NUP98: variants seen among roughly 807,000 people sequenced by gnomAD.
NUP98 encodes nucleoporin 98 and 96 precursor.
A neutral mutation model predicts 191.9 loss-of-function variants in NUP98; 26 were observed. The ratio of observed to expected loss-of-function variants is 0.14; its 90% CI spans 0.10 to 0.19. The LOEUF is 0.19. Ranked by LOEUF, NUP98 falls within the 10% of genes least tolerant of loss-of-function variation. The pLI, the probability that NUP98 is intolerant of heterozygous loss-of-function variation, is 1.00. For synonymous variants in NUP98, 808 were observed against 778.4 expected (o/e 1.04, Z -0.63); for missense variants, 1,941 against 2,178.8 (o/e 0.89, Z 2.17).
intron 1 of NUP98, among the ~76,000 whole-genome samples, chr11:3,790,203 T>C (rs758982062): frequency 1.3e-5 from 2 of 152,230 alleles, no homozygotes; most frequent in Non-Finnish European, 2.9e-5. Flanking sequence ...AACTGTTCCC[T>C]TCACGAACAG....
chr11:3,780,872 G>T (rs1428723369), intron 2 of NUP98, among the ~76,000 whole-genome samples: 1 of 151,982 alleles, frequency 6.6e-6, no homozygotes. Flanking sequence ...TTGAGGTCAG[G>T]AGTTTGAGAC....
rs2081945890 is a variant in NUP98 at position 3,780,897 on chromosome 11, T to A, written c.76+1145A>T. ...GAGTTTGAGACCACCCTGGCCAACA[T>A]GGTGAAACCCCATCCCTATTAAAAA... is the stretch of plus-strand genomic sequence containing the variant. On this transcript the variant is annotated intron_variant, in intron 2 of 32. Transcript: ENST00000324932. Among the ~76,000 whole-genome samples, 3 of 152,026 alleles carry A rather than the reference T, an allele frequency of 2.0e-5. No individual in the cohort carries two copies. The South Asian group carries it at 6.2e-4, about 32-fold the overall frequency.
In NUP98 at chr11:3,797,521, C is replaced by T. The variant is rs944990091; in HGVS notation, c.-150G>A. 1.2e-4 allele frequency: 55 copies of T among 443,610 alleles called. No individual in the cohort carries two copies. Among genetic ancestry groups the T allele is most frequent in the Non-Finnish European group, 2.0e-4 (50 of 252,564 alleles). 27.5% of individuals were successfully genotyped at this position (443,610 alleles called of 1,614,324 possible). A position where few individuals can be genotyped will look rare whatever the true frequency, so the allele number is the denominator to read the frequency against. On this transcript the variant is annotated 5_prime_UTR_variant, in exon 1 of 33. Transcript: ENST00000324932. ...CGCTACCACCCCTGCCACCGACCGCCGCTTCGGGCGCAGCGCGCAGAGGGC... is the reference window on the plus strand; with the variant it reads ...CGCTACCACCCCTGCCACCGACCGCTGCTTCGGGCGCAGCGCGCAGAGGGC...
In NUP98 at chr11:3,768,560, A is replaced by C. The variant is rs780624838; in HGVS notation, c.948+21T>G. The C allele has an allele frequency of 5.2e-6, 8 of 1,524,046 alleles. No individual in the cohort carries two copies. The East Asian group carries it at 1.8e-4, about 35-fold the overall frequency. The allele number at this position is 1,524,046 out of a possible 1,614,324, so 94.4% of individuals were successfully genotyped here. On this transcript the variant is annotated intron_variant, in intron 8 of 32. Transcript: ENST00000324932. ...ACTCTAAAAATAAGACATGGAGGTAAGTAAGGGTCTGTTTCCTTACCATGG... is the reference window on the plus strand; with the variant it reads ...ACTCTAAAAATAAGACATGGAGGTACGTAAGGGTCTGTTTCCTTACCATGG...
At chr11:3,757,626 C>G (rs1479291259) in intron 10 of NUP98, among the ~76,000 whole-genome samples, 1 of 151,704 alleles carries the variant, frequency 6.6e-6, no homozygotes, top group Non-Finnish European at 1.5e-5. Context: ...TGGTAAAACC[C>G]TGTTTCTACT....
rs66628165 is a variant in NUP98 at position 3,705,996 on chromosome 11, C to CAA, written c.2925+447_2925+448dup. On this transcript the variant is annotated intron_variant, in intron 21 of 32. Transcript: ENST00000324932. ...GAAACCCCTTTCTCTACTAAAAATA[C>CAA]AAAAAAAAAAAAAAAAAAAAGTAGC... is the stretch of plus-strand genomic sequence containing the variant. Among the ~76,000 whole-genome samples the CAA allele has an allele frequency of 2.4e-3, 237 of 99,438 alleles. 1 individual carries two copies. The highest frequency in any genetic ancestry group is 3.6e-3 in the Non-Finnish European group (176 of 48,428). The allele number at this position is 99,438 out of a possible 152,430, so 65.2% of individuals were successfully genotyped here.
intron 18 of NUP98, among the ~76,000 whole-genome samples, chr11:3,715,413 G>A (rs1314656930): frequency 2.6e-5 from 4 of 151,526 alleles, no homozygotes; most frequent in African/African-American, 4.9e-5. Context: ...GATTATAGGC[G>A]TGAGCCACCA....
chr11:3,686,724 C>T (rs1589956936), intron 28 of NUP98, among the ~76,000 whole-genome samples: 1 of 152,322 alleles, frequency 6.6e-6, no homozygotes, highest in Non-Finnish European at 1.5e-5. Flanking sequence ...TGGCTCACGC[C>T]TGTAATCCCA....
At chr11:3,700,059 A>G (rs1416446441) in intron 24 of NUP98, among the ~76,000 whole-genome samples, 2 of 152,202 alleles carry the variant, frequency 1.3e-5, no homozygotes, top group Admixed American at 1.3e-4. Context: ...GATAGGATTT[A>G]GAAAAGCAAG....
intron 26 of NUP98, among the ~76,000 whole-genome samples, chr11:3,694,537 G>A (rs11029089): frequency 0.01 from 1,537 of 151,320 alleles, 15 homozygotes; most frequent in Non-Finnish European, 0.015. Context: ...TCAGGAGACC[G>A]AGACCATCCT....
At position 3,747,315 on chromosome 11, in the gene NUP98, T is replaced by G. The variant is rs1564878735; in HGVS notation, c.1268-2666A>C. 2.6e-5 allele frequency among the ~76,000 whole-genome samples: 4 copies of G among 152,232 alleles called. No homozygotes were observed. The South Asian group carries it at 6.2e-4, about 24-fold the overall frequency. ...AAAATTGTTAGAATTTAAATTTATC[T>G]GAGGCATCTATTAGCACCAGAAAGA... On this transcript the variant is annotated intron_variant, in intron 11 of 32. Coordinates refer to ENST00000324932, the MANE Select transcript of NUP98 (RefSeq NM_016320.5).
At chr11:3,721,218 T>C (rs1391345680) in intron 16 of NUP98, among the ~76,000 whole-genome samples, 1 of 152,180 alleles carries the variant, frequency 6.6e-6, no homozygotes, top group Admixed American at 6.5e-5. Flanking sequence ...ATCAGCTTTT[T>C]ATTTTATTTT....
chr11:3,771,663 G>C, intron 7 of NUP98, 85 bp downstream of exon 7: 1 of 1,179,310 alleles, frequency 8.5e-7, no homozygotes. Context: ...TTTCTCCATA[G>C]CACTTATCCC....
chr11:3,780,723 C>T (rs1234128042), intron 2 of NUP98, among the ~76,000 whole-genome samples: 1 of 151,822 alleles, frequency 6.6e-6, no homozygotes, highest in Non-Finnish European at 1.5e-5. Flanking sequence ...ACTGCTTGAG[C>T]TCTGGAGATG....
rs191194983 is a variant in NUP98 at position 3,694,161 on chromosome 11, C to T, written c.4168-786G>A. The stretch of plus-strand genomic sequence containing the variant: ...CCGAGGTGGGTGGATCACCTGAGGT[C>T]GGGAGTTTGGGACTGGCCTGGCCAA... On this transcript the variant is annotated intron_variant, in intron 26 of 32. Transcript: ENST00000324932. Among the ~76,000 whole-genome samples, 70 of 151,188 alleles carry T rather than the reference C, an allele frequency of 4.6e-4. 2 individuals are homozygous for T. The East Asian group carries it at 0.013, about 28-fold the overall frequency.
At chr11:3,745,852 T>C (rs2080469445) in intron 11 of NUP98, among the ~76,000 whole-genome samples, 1 of 152,190 alleles carries the variant, frequency 6.6e-6, no homozygotes, top group African/African-American at 2.4e-5. Flanking sequence ...AAAAATATTG[T>C]ATGGGAACTG....
At chr11:3,712,881 T>G (rs914148216) in intron 19 of NUP98, among the ~76,000 whole-genome samples, 153 bp from the exon 20 acceptor site, 1 of 152,248 alleles carries the variant, frequency 6.6e-6, no homozygotes, top group African/African-American at 2.4e-5. Flanking sequence ...ATCACACTTT[T>G]ATCTAAGATT....
At position 3,735,172 on chromosome 11, in the gene NUP98, G is replaced by A. The variant is rs769091268; in HGVS notation, c.1542+19C>T. On this transcript the variant is annotated intron_variant, in intron 13 of 32. Coordinates refer to ENST00000324932, the MANE Select transcript of NUP98 (RefSeq NM_016320.5). ...TCTTTCTTTGATATGATATTTTACAGAAGTATCCTTAAATTTACCTCTTCC... is the reference window on the plus strand; with the variant it reads ...TCTTTCTTTGATATGATATTTTACAAAAGTATCCTTAAATTTACCTCTTCC... 6.5e-6 allele frequency: 10 copies of A among 1,547,656 alleles called. No homozygotes were observed. Among genetic ancestry groups the A allele is most frequent in the Non-Finnish European group, 8.7e-6 (10 of 1,146,014 alleles).
At chr11:3,791,143 C>T (rs112145076) in intron 1 of NUP98, among the ~76,000 whole-genome samples, 12 of 152,164 alleles carry the variant, frequency 7.9e-5, no homozygotes, top group African/African-American at 2.4e-4. Flanking sequence ...GATCCGCCCC[C>T]CTCAGCCTCC....
Sources: gnomAD v4.1 joint callset for allele counts (sites outside exome capture counted in the v4.1 genomes callset) on GRCh38, gnomAD v4.1.1 for gene constraint, MANE v1.5 for transcripts, NCBI Gene and HGNC (gene_info 2026-07-23, HGNC 2026-07-21) for gene names.